NSUN6: variants seen among roughly 807,000 people sequenced by gnomAD.
The protein encoded by NSUN6 is tRNA (cytosine(72)-C(5))-methyltransferase NSUN6.
A neutral mutation model predicts 58.0 loss-of-function variants in NSUN6; 64 were observed. The observed-to-expected ratio is 1.10, with a 90% CI of 0.90 to 1.36. The LOEUF (loss-of-function observed/expected upper bound fraction) is 1.36. Ranked by LOEUF, NSUN6 falls within the 40% of genes most tolerant of loss-of-function variation. The pLI is 0.00. For missense variants in NSUN6, 701 were observed against 550.1 expected, an observed-to-expected ratio of 1.27 and a Z score of -2.74; for synonymous variants, 231 against 193.9, an observed-to-expected ratio of 1.19 and a Z score of -1.59.
chr10:18,635,946 A>T (rs1485671201), intron 3 of NSUN6, among the ~76,000 whole-genome samples: 2 of 151,068 alleles, frequency 1.3e-5, no homozygotes, highest in East Asian at 3.9e-4. Context: ...ATAAGTAAGA[A>T]TTCCACAGAT....
chr10:18,656,456 G>T (rs1018130821), upstream of NSUN6, among the ~76,000 whole-genome samples: 10 of 152,178 alleles, frequency 6.6e-5, no homozygotes, highest in African/African-American at 2.4e-4. Flanking sequence ...AGAACTGCTT[G>T]AACCCGGGAG....
At chr10:18,650,680 G>A (rs964340806) in intron 1 of NSUN6, among the ~76,000 whole-genome samples, 1 of 152,146 alleles carries the variant, frequency 6.6e-6, no homozygotes, top group Non-Finnish European at 1.5e-5. Context: ...TCTATTAAAA[G>A]AGGAAAAACC....
intron 3 of NSUN6, among the ~76,000 whole-genome samples, chr10:18,633,019 A>G (rs1412332835): frequency 1.3e-5 from 2 of 152,020 alleles, no homozygotes; most frequent in Admixed American, 6.6e-5. Flanking sequence ...ATGTCCAACA[A>G]TGATAGACTG....
intron 8 of NSUN6, among the ~76,000 whole-genome samples, chr10:18,568,215 C>T (rs1211789064): frequency 6.6e-6 from 1 of 151,096 alleles, no homozygotes; most frequent in Non-Finnish European, 1.5e-5. Context: ...CATTCCATTC[C>T]CGTCCATTAT....
At chr10:18,621,015 A>G (rs1237294746) in intron 3 of NSUN6, among the ~76,000 whole-genome samples, 1 of 152,226 alleles carries the variant, frequency 6.6e-6, no homozygotes, top group Non-Finnish European at 1.5e-5. Flanking sequence ...GCCTGCTTAC[A>G]AGGCTGGCCC....
At chr10:18,604,148 C>T (rs1417999128) in intron 6 of NSUN6, among the ~76,000 whole-genome samples, 3 of 152,148 alleles carry the variant, frequency 2.0e-5, no homozygotes, top group Admixed American at 2.0e-4. Context: ...TGCCGCTGCA[C>T]TCCAGCCTGG....
intron 9 of NSUN6, among the ~76,000 whole-genome samples, chr10:18,548,544 C>G (rs1221273044): frequency 6.6e-6 from 1 of 152,126 alleles, no homozygotes; most frequent in East Asian, 1.9e-4. Context: ...CATTTTTAGG[C>G]CACATCAACT....
At chr10:18,592,618 A>C (rs997962634) in intron 7 of NSUN6, among the ~76,000 whole-genome samples, 1 of 152,238 alleles carries the variant, frequency 6.6e-6, no homozygotes, top group African/African-American at 2.4e-5. Context: ...CAATGGTGAA[A>C]GGATCCCCTA....
intron 3 of NSUN6, among the ~76,000 whole-genome samples, chr10:18,634,894 G>C (rs2059161693): frequency 6.6e-6 from 1 of 152,148 alleles, no homozygotes; most frequent in Non-Finnish European, 1.5e-5. Context: ...CTTAGAAAGG[G>C]TTGCTTGAGA....
intron 5 of NSUN6, among the ~76,000 whole-genome samples, chr10:18,612,978 T>C (rs1057078248): frequency 1.3e-5 from 2 of 152,222 alleles, no homozygotes; most frequent in African/African-American, 4.8e-5. Context: ...TAAAATTTTT[T>C]AAGGAATATA....
chr10:18,567,235 C>T (rs1486277478), intron 8 of NSUN6, among the ~76,000 whole-genome samples: 6 of 151,164 alleles, frequency 4.0e-5, no homozygotes, highest in Admixed American at 3.3e-4. Context: ...TTCTCCATTC[C>T]ATTCCATATT....
chr10:18,607,124 T>C (rs888845884), intron 6 of NSUN6, among the ~76,000 whole-genome samples: 19 of 152,228 alleles, frequency 1.2e-4, no homozygotes, highest in Admixed American at 4.6e-4. Flanking sequence ...CATTTTCATT[T>C]AGATGATGCC....
rs1406200190 is a variant in NSUN6, at chr10:18,606,187, G to A, written c.657+3658C>T. Reference sequence around the variant, plus strand: ...GGTCTGTATCACAATACACTTAAAAGTGCAAAATACACAAACAGCAGATTC... The same window carrying A: ...GGTCTGTATCACAATACACTTAAAAATGCAAAATACACAAACAGCAGATTC... On this transcript the variant is annotated intron_variant, in intron 6 of 10. Coordinates refer to ENST00000377304, the MANE Select transcript of NSUN6 (RefSeq NM_182543.5). Among the ~76,000 whole-genome samples the A allele has an allele frequency of 2.6e-5, 4 of 152,206 alleles. No individual in the cohort carries two copies. In the South Asian group the frequency reaches 6.2e-4, roughly 24 times the overall value.
At chr10:18,602,163 A>G (rs1470041825) in intron 6 of NSUN6, among the ~76,000 whole-genome samples, 4 of 150,970 alleles carry the variant, frequency 2.6e-5, no homozygotes, top group Admixed American at 2.0e-4. Flanking sequence ...CCCAGGTTCA[A>G]CTGATTCTCC....
intron 8 of NSUN6, among the ~76,000 whole-genome samples, chr10:18,557,451 G>A (rs1229394985): frequency 6.7e-6 from 1 of 150,290 alleles, no homozygotes; most frequent in Non-Finnish European, 1.5e-5. Context: ...GAAATGGAAT[G>A]GAGAATGGAA....
intron 8 of NSUN6, among the ~76,000 whole-genome samples, chr10:18,568,481 A>G (rs972020357): frequency 1.4e-5 from 2 of 146,882 alleles, no homozygotes; most frequent in African/African-American, 5.1e-5. Flanking sequence ...ATTGCATTCC[A>G]TTCTATTCTC....
At position 18,651,578 on chromosome 10, in the gene NSUN6, C is replaced by T; in HGVS notation, c.-375G>A. On this transcript the variant is annotated 5_prime_UTR_variant, in exon 1 of 11. Transcript: ENST00000377304. ...GCTGACAGCAGCTCGGTCCCTTTAT[C>T]TTTTCTATCAATTTCCAAACACGCG... 2.0e-6 allele frequency: 2 copies of T among 993,644 alleles called. No homozygotes were observed. The highest frequency in any genetic ancestry group is 2.4e-6 in the Non-Finnish European group (2 of 835,630). 61.6% of individuals were successfully genotyped at this position (993,644 alleles called of 1,614,324 possible). A position where few individuals can be genotyped will look rare whatever the true frequency, so the allele number is the denominator to read the frequency against.
intron 8 of NSUN6, among the ~76,000 whole-genome samples, chr10:18,585,042 G>T (rs1164478888): frequency 6.8e-6 from 1 of 146,532 alleles, no homozygotes; most frequent in African/African-American, 2.5e-5. Flanking sequence ...CATACAAATA[G>T]CCAACAAGTT....
chr10:18,584,223 G>A (rs12770851), intron 8 of NSUN6, among the ~76,000 whole-genome samples: 31,853 of 152,060 alleles, frequency 0.21, 3,691 homozygotes, highest in South Asian at 0.31. Flanking sequence ...TTCCTGCCCA[G>A]GAAGGTGCCA....
Sources: allele counts gnomAD v4.1 joint callset (sites outside exome capture counted in the v4.1 genomes callset), GRCh38; gene constraint gnomAD v4.1.1; transcripts MANE v1.5; gene names NCBI Gene and HGNC (gene_info 2026-07-23, HGNC 2026-07-21).